VGLL4: variants seen among roughly 807,000 people sequenced by gnomAD.
VGLL4 encodes transcription cofactor vestigial-like protein 4.
A neutral mutation model predicts 21.0 loss-of-function variants in VGLL4; 7 were observed. That is an observed-to-expected ratio of 0.33 (90% confidence interval 0.19 to 0.63). The LOEUF is 0.63. Ranked by LOEUF, VGLL4 falls within the 20% of genes least tolerant of loss-of-function variation. The pLI, the probability that VGLL4 is intolerant of heterozygous loss-of-function variation, is 0.78. For missense variants in VGLL4, 394 were observed against 425.7 expected (o/e 0.93, Z 0.66); for synonymous variants, 222 against 173.2 (o/e 1.28, Z -2.21).
At position 11,558,381 on chromosome 3, in the gene VGLL4, G is replaced by T; in HGVS notation, c.*175C>A. ...TCATGTTTGAGGGCCCCCTTGTACG[G>T]ATACCAAGCAAGTACAAAAACAGAA... On this transcript the variant is annotated 3_prime_UTR_variant, in exon 5 of 5. Transcript: ENST00000430365. 1 of 1,082,166 alleles carries T rather than the reference G, an allele frequency of 9.2e-7. No homozygotes were observed. Among genetic ancestry groups the T allele is most frequent in the South Asian group, 1.7e-5 (1 of 59,272 alleles). The allele number at this position is 1,082,166 out of a possible 1,614,324, so 67.0% of individuals were successfully genotyped here.
At chr3:11,574,992 G>A (rs1026513415) in intron 2 of VGLL4, among the ~76,000 whole-genome samples, 1 of 151,838 alleles carries the variant, frequency 6.6e-6, no homozygotes, top group Non-Finnish European at 1.5e-5. Context: ...TGGGGAGGAT[G>A]AAAGAATAAA....
chr3:11,675,541 T>C (rs2076278056), intron 2 of VGLL4, among the ~76,000 whole-genome samples: 1 of 152,016 alleles, frequency 6.6e-6, no homozygotes, highest in Non-Finnish European at 1.5e-5. Context: ...TTTACACAAA[T>C]GTAAAACCCC....
rs148830424 is a variant in VGLL4 at position 11,716,070 on chromosome 3, G to A, written c.-14+4324C>T. ...TGTAATCCCAGCACTTTGGGAGGCCGAGGCAGGCAGATCACGAGGTCAGGA... is the reference window on the plus strand; with the variant it reads ...TGTAATCCCAGCACTTTGGGAGGCCAAGGCAGGCAGATCACGAGGTCAGGA... On this transcript the variant is annotated intron_variant, in intron 1 of 5. Coordinates refer to the VGLL4 transcript ENST00000273038. Among the ~76,000 whole-genome samples, 36 of 152,096 alleles carry A rather than the reference G, an allele frequency of 2.4e-4. No homozygotes were observed. The East Asian group carries it at 5.4e-3, about 23-fold the overall frequency.
rs141592181 is a variant in VGLL4 at position 11,710,570 on chromosome 3, G to C, written c.-13-7523C>G. On this transcript the variant is annotated intron_variant, in intron 1 of 5. Transcript: ENST00000273038. ...GTAACAGGGCCAAAAGTCAGAAACA[G>C]ACAGACATCACTATCCTTAAACACC... 2.4e-3 allele frequency: 370 copies of C among 152,314 alleles called. 2 individuals carry two copies. Among genetic ancestry groups the C allele is most frequent in the Middle Eastern group, 6.8e-3 (2 of 296 alleles). 9.4% of individuals were successfully genotyped at this position (152,314 alleles called of 1,614,324 possible).
At chr3:11,561,613 G>C (rs919998013) in intron 3 of VGLL4, among the ~76,000 whole-genome samples, 1 of 152,194 alleles carries the variant, frequency 6.6e-6, no homozygotes, top group African/African-American at 2.4e-5. Context: ...CGTCCACCTA[G>C]AACGGGCCCC....
chr3:11,587,905 G>GC (rs1261092776), intron 2 of VGLL4, among the ~76,000 whole-genome samples: 1 of 152,254 alleles, frequency 6.6e-6, no homozygotes, highest in Non-Finnish European at 1.5e-5. Flanking sequence ...CGTGAAAGAA[G>GC]CATCACGGGC....
At chr3:11,598,699 C>T (rs569749561) in intron 2 of VGLL4, among the ~76,000 whole-genome samples, 3 of 151,904 alleles carry the variant, frequency 2.0e-5, no homozygotes, top group Non-Finnish European at 4.4e-5. Flanking sequence ...GCTATATTGC[C>T]CAGGCTGGTC....
rs2076837355 is a variant in VGLL4, at chr3:11,711,211, C to A, written c.-13-8164G>T. On this transcript the variant is annotated intron_variant, in intron 1 of 5. Coordinates refer to the VGLL4 transcript ENST00000273038. ...CCTGGGCCCAGGAGTTTGAGACCAG[C>A]CTGGGCAACATGGCAAAACCTCATC... 2.6e-5 allele frequency among the ~76,000 whole-genome samples: 4 copies of A among 151,848 alleles called. 1 individual carries two copies. Among genetic ancestry groups the A allele is most frequent in the Admixed American group, 2.6e-4 (4 of 15,234 alleles).
chr3:11,698,923 G>T (rs1194991281), intron 2 of VGLL4, among the ~76,000 whole-genome samples: 2 of 152,116 alleles, frequency 1.3e-5, no homozygotes, highest in Non-Finnish European at 1.5e-5. Context: ...AAATCCCCAA[G>T]TTTTCAGTTC....
chr3:11,697,735 G>T (rs1370650779), intron 2 of VGLL4, among the ~76,000 whole-genome samples: 2 of 152,114 alleles, frequency 1.3e-5, no homozygotes, highest in East Asian at 3.9e-4. Flanking sequence ...CCATACAAGA[G>T]GGCCATGTGT....
intron 2 of VGLL4, among the ~76,000 whole-genome samples, chr3:11,656,605 T>C (rs1276663461): frequency 3.3e-5 from 5 of 152,066 alleles, no homozygotes; most frequent in Non-Finnish European, 7.4e-5. Flanking sequence ...CAGTAACTCC[T>C]ATAGGGTCTG....
At chr3:11,649,485 A>G (rs768041161) in intron 2 of VGLL4, among the ~76,000 whole-genome samples, 9 of 152,336 alleles carry the variant, frequency 5.9e-5, no homozygotes, top group South Asian at 4.1e-4. Context: ...GATGCGGATA[A>G]GGAAAGTTCT....
At chr3:11,654,111 T>C (rs886766176) in intron 2 of VGLL4, among the ~76,000 whole-genome samples, 6 of 151,942 alleles carry the variant, frequency 3.9e-5, no homozygotes, top group Non-Finnish European at 7.3e-5. Flanking sequence ...AACAAAGCAT[T>C]ATTTGGCAAA....
chr3:11,566,138 AAT>A (rs1328240105), intron 2 of VGLL4, among the ~76,000 whole-genome samples: 1 of 152,238 alleles, frequency 6.6e-6, no homozygotes, highest in Non-Finnish European at 1.5e-5. Context: ...GGACTGGCTG[AAT>A]ATGTTACACA....
chr3:11,663,647 C>G (rs2076067877), intron 2 of VGLL4, among the ~76,000 whole-genome samples: 1 of 151,950 alleles, frequency 6.6e-6, no homozygotes, highest in South Asian at 2.1e-4. Flanking sequence ...GAACCTGGAA[C>G]ACAGTGGTTG....
At chr3:11,688,556 T>A (rs2076482931) in intron 2 of VGLL4, among the ~76,000 whole-genome samples, 1 of 152,240 alleles carries the variant, frequency 6.6e-6, no homozygotes. Flanking sequence ...ATATACATAG[T>A]AATATCCCTT....
chr3:11,660,804 G>C (rs1265811706), intron 2 of VGLL4, among the ~76,000 whole-genome samples: 2 of 152,054 alleles, frequency 1.3e-5, no homozygotes, highest in Non-Finnish European at 2.9e-5. Context: ...TGGAATCTGA[G>C]TGGAAAAATC....
Position 11,565,915 on chromosome 3 carries a change from C to G in VGLL4, c.273-896G>C, listed in dbSNP as rs2073469950. Among the ~76,000 whole-genome samples the G allele has an allele frequency of 6.6e-6, 1 of 152,224 alleles. No individual in the cohort carries two copies. Among genetic ancestry groups the G allele is most frequent in the Non-Finnish European group, 1.5e-5 (1 of 68,036 alleles). On this transcript the variant is annotated intron_variant, in intron 2 of 4. Coordinates refer to ENST00000430365, the MANE Select transcript of VGLL4 (RefSeq NM_001128219.3). The surrounding 1 kb of genome is among the most constrained non-coding windows in gnomAD (Gnocchi z 4.1). The stretch of plus-strand genomic sequence containing the variant: ...TCCCACAGTTCCATCTGCCTTGGGT[C>G]TTGCCCCTTCAATCCACCATATTAT...
rs766308970 is a variant in VGLL4, at chr3:11,565,671, G to A, written c.273-652C>T. Reference sequence around the variant, plus strand: ...CGCAGCTCTCTCGTCCAGGACACACGAGCAGGAGTGACCTGCGTCCAGAAG... The same window carrying A: ...CGCAGCTCTCTCGTCCAGGACACACAAGCAGGAGTGACCTGCGTCCAGAAG... On this transcript the variant is annotated intron_variant, in intron 2 of 4. Transcript: ENST00000430365. This position sits in a 1 kb window ranked among gnomAD's most constrained non-coding sequence, Gnocchi z 4.1. 6.6e-6 allele frequency among the ~76,000 whole-genome samples: 1 copy of A among 152,214 alleles called. No homozygotes were observed. The highest frequency in any genetic ancestry group is 1.5e-5 in the Non-Finnish European group (1 of 68,036).
Sources: gnomAD v4.1 joint callset for allele counts (sites outside exome capture counted in the v4.1 genomes callset) on GRCh38, gnomAD v4.1.1 for gene constraint, Gnocchi (gnomAD v3.1) non-coding constraint, MANE v1.5 for transcripts, NCBI Gene and HGNC (gene_info 2026-07-23, HGNC 2026-07-21) for gene names.